DLG1: variants seen among roughly 807,000 people sequenced by gnomAD.
DLG1 encodes the protein discs large MAGUK scaffold protein 1, also known as disks large homolog 1.
DLG1 carries 42 observed loss-of-function variants against 123.4 expected under a neutral mutation model. The ratio of observed to expected loss-of-function variants is 0.34; its 90% confidence interval spans 0.27 to 0.44. The LOEUF is 0.44. Among genes scored for constraint, DLG1 ranks in the 20% least tolerant of loss-of-function variants. The probability of loss-of-function intolerance (pLI) is 1.00; values close to 1 mark genes in which losing one functional copy is unlikely to be tolerated. For synonymous variants in DLG1, 317 were observed against 356.2 expected (o/e 0.89, Z 1.24); for missense variants, 942 against 1,082.6 (o/e 0.87, Z 1.82).
At chr3:197,072,690 A>C (rs1372095788) in intron 18 of DLG1, among the ~76,000 whole-genome samples, 12 of 151,392 alleles carry the variant, frequency 7.9e-5, no homozygotes, top group Non-Finnish European at 1.5e-4. Context: ...TAAAAAAAAA[A>C]AAAACAAAAA....
intron 3 of DLG1, among the ~76,000 whole-genome samples, chr3:197,295,309 T>G (rs556182650): frequency 6.6e-6 from 1 of 152,340 alleles, no homozygotes; most frequent in South Asian, 2.1e-4. Flanking sequence ...TTATCAATAA[T>G]GTACCTGACA....
At chr3:197,205,547 C>T (rs1215445664) in intron 4 of DLG1, among the ~76,000 whole-genome samples, 1 of 152,062 alleles carries the variant, frequency 6.6e-6, no homozygotes, top group African/African-American at 2.4e-5. Context: ...TTAATGAATA[C>T]CAAATACTCA....
At chr3:197,213,405 G>A (rs1161773856) in intron 4 of DLG1, among the ~76,000 whole-genome samples, 1 of 152,178 alleles carries the variant, frequency 6.6e-6, no homozygotes, top group Non-Finnish European at 1.5e-5. Flanking sequence ...CTGGTGGGGA[G>A]TGGAGGGCTG....
intron 6 of DLG1, among the ~76,000 whole-genome samples, chr3:197,143,888 T>C (rs1234103533): frequency 3.3e-5 from 5 of 152,188 alleles, no homozygotes; most frequent in African/African-American, 4.8e-5. Context: ...CCCTCCAATT[T>C]ATTTCCTAGT....
At chr3:197,141,398 T>A (rs1787891516) in intron 7 of DLG1, among the ~76,000 whole-genome samples, 1 of 152,148 alleles carries the variant, frequency 6.6e-6, no homozygotes, top group South Asian at 2.1e-4. Context: ...TTAGGAGACA[T>A]CACAAACTAC....
At chr3:197,079,189 CAA>C (rs1010524581) in intron 17 of DLG1, among the ~76,000 whole-genome samples, 22 of 152,006 alleles carry the variant, frequency 1.4e-4, no homozygotes, top group African/African-American at 4.4e-4. Context: ...TGCTATATCG[CAA>C]GAGAGACAGT....
At chr3:197,195,700 T>C (rs931991483) in intron 4 of DLG1, among the ~76,000 whole-genome samples, 1 of 151,776 alleles carries the variant, frequency 6.6e-6, no homozygotes, top group African/African-American at 2.4e-5. Context: ...AGCACACAGA[T>C]GGGAACAATA....
chr3:197,068,850 G>T lies in DLG1; in HGVS notation c.2047+369C>A, dbSNP rs570037520. On this transcript the variant is annotated intron_variant, in intron 19 of 24. Coordinates refer to ENST00000667157, the MANE Select transcript of DLG1 (RefSeq NM_001366207.1). ...GAATAAAAATGGAAATAAAGCTAAT[G>T]ATAATTTAGCATTACTGAAAAATAT... Among the ~76,000 whole-genome samples the T allele has an allele frequency of 4.6e-5, 7 of 152,098 alleles. No individual in the cohort carries two copies. The South Asian group carries it at 1.5e-3, about 32-fold the overall frequency.
chr3:197,096,071 T>C (rs760202977), intron 14 of DLG1, among the ~76,000 whole-genome samples: 8 of 152,214 alleles, frequency 5.3e-5, no homozygotes, highest in Non-Finnish European at 1.0e-4. Context: ...AGGTGCTCAC[T>C]GCTCTTGGGG....
chr3:197,213,443 TG>T (rs1224237866), intron 4 of DLG1, among the ~76,000 whole-genome samples: 2 of 152,222 alleles, frequency 1.3e-5, no homozygotes, highest in South Asian at 2.1e-4. Context: ...ACAATCTTTT[TG>T]GAGTGAGGAA....
chr3:197,069,284 A>T (rs374871639), intron 18 of DLG1, 24 bp from the exon 19 acceptor site: 1 of 1,552,562 alleles, frequency 6.4e-7, no homozygotes, highest in Non-Finnish European at 8.8e-7. Flanking sequence ...ACAATGAAAA[A>T]AAATAAAACA....
intron 11 of DLG1, 118 bp downstream of exon 11, chr3:197,130,409 G>T: frequency 2.1e-6 from 2 of 931,228 alleles, no homozygotes; most frequent in Non-Finnish European, 2.9e-6. Flanking sequence ...ATGCTTAATT[G>T]TTTCTTTAAA....
chr3:197,075,022 A>G (rs530704602), intron 18 of DLG1, among the ~76,000 whole-genome samples: 33 of 152,196 alleles, frequency 2.2e-4, no homozygotes, highest in African/African-American at 7.7e-4. Context: ...TCTATCACTC[A>G]CTGTCACCTA....
At chr3:197,196,044 G>C (rs1722308560) in intron 4 of DLG1, among the ~76,000 whole-genome samples, 1 of 151,794 alleles carries the variant, frequency 6.6e-6, no homozygotes, top group Non-Finnish European at 1.5e-5. Context: ...TGTTTCAAAA[G>C]CCTTGAAAAT....
intron 18 of DLG1, 138 bp downstream of exon 18, chr3:197,076,448 A>G (rs1747333729): frequency 1.9e-6 from 1 of 524,898 alleles, no homozygotes; most frequent in Non-Finnish European, 3.4e-6. Context: ...AAATTAATTT[A>G]TAACTGTTAA....
chr3:197,158,035 A>C (rs1797099760), intron 5 of DLG1, among the ~76,000 whole-genome samples: 1 of 152,184 alleles, frequency 6.6e-6, no homozygotes, highest in Non-Finnish European at 1.5e-5. Context: ...CTTGTCTGTA[A>C]TCTCTGACAA....
At chr3:197,272,189 C>T (rs1365117607) in intron 4 of DLG1, among the ~76,000 whole-genome samples, 5 of 152,082 alleles carry the variant, frequency 3.3e-5, no homozygotes, top group African/African-American at 1.2e-4. Flanking sequence ...TATTTATTCA[C>T]CACTTAACAT....
chr3:197,257,712 T>C (rs1239889235), intron 4 of DLG1, among the ~76,000 whole-genome samples: 1 of 152,182 alleles, frequency 6.6e-6, no homozygotes, highest in East Asian at 1.9e-4. Context: ...ACTTGACAGC[T>C]GGGAAACCTC....
intron 5 of DLG1, among the ~76,000 whole-genome samples, chr3:197,164,966 A>G (rs1222975465): frequency 6.6e-6 from 1 of 152,102 alleles, no homozygotes; most frequent in Non-Finnish European, 1.5e-5. Context: ...TGAGATTATC[A>G]TACAGAAATT....
Sources: gnomAD v4.1 joint callset for allele counts (sites outside exome capture counted in the v4.1 genomes callset) on GRCh38, gnomAD v4.1.1 for gene constraint, MANE v1.5 for transcripts, NCBI Gene and HGNC (gene_info 2026-07-23, HGNC 2026-07-21) for gene names.